The following WDFY2 variants were observed in gnomAD, a reference collection of about 807,000 sequenced individuals.
The protein encoded by WDFY2 is WD repeat and FYVE domain containing 2.
In WDFY2, 36 loss-of-function variants were observed where a neutral mutation model predicts 56.4. The ratio of observed to expected loss-of-function variants is 0.64; its 90% CI spans 0.49 to 0.84. The LOEUF is 0.84. WDFY2 is among the 40% of genes least tolerant of loss of function. The pLI, the probability that WDFY2 is intolerant of heterozygous loss-of-function variation, is 0.00. For synonymous variants in WDFY2, 176 were observed against 183.7 expected (o/e 0.96, Z 0.34); for missense variants, 444 against 512.2 (o/e 0.87, Z 1.29).
At chr13:51,671,337 G>A (rs924588798) in intron 2 of WDFY2, among the ~76,000 whole-genome samples, 10 of 152,128 alleles carry the variant, frequency 6.6e-5, no homozygotes, top group East Asian at 3.8e-4. Flanking sequence ...CACCAGCAGC[G>A]CAGAGGTGTT....
intron 4 of WDFY2, among the ~76,000 whole-genome samples, chr13:51,708,562 A>G (rs981789030): frequency 4.8e-5 from 7 of 145,654 alleles, no homozygotes; most frequent in African/African-American, 1.5e-4. Flanking sequence ...GTAGAATCAT[A>G]TAGTAATTCC....
intron 7 of WDFY2, among the ~76,000 whole-genome samples, chr13:51,750,167 G>GT (rs1274577272): frequency 6.6e-6 from 1 of 152,114 alleles, no homozygotes; most frequent in Non-Finnish European, 1.5e-5. Flanking sequence ...GAATTTTTAT[G>GT]TTTAAGTCTA....
chr13:51,632,093 T>C (rs1954963545), intron 1 of WDFY2, among the ~76,000 whole-genome samples: 1 of 152,224 alleles, frequency 6.6e-6, no homozygotes, highest in Non-Finnish European at 1.5e-5. Flanking sequence ...CATAGACTTA[T>C]CTTTTCAGAG....
At chr13:51,589,079 G>A (rs1437943366) in intron 1 of WDFY2, 1 of 152,134 alleles carries the variant, frequency 6.6e-6, no homozygotes, top group East Asian at 1.9e-4. Flanking sequence ...GTTAAGAGAG[G>A]GGTGAGATTT....
At chr13:51,692,589 G>C (rs989294165) in intron 3 of WDFY2, among the ~76,000 whole-genome samples, 1 of 152,094 alleles carries the variant, frequency 6.6e-6, no homozygotes, top group Non-Finnish European at 1.5e-5. Context: ...TGCTGGATTC[G>C]GTTTGCCAGT....
chr13:51,757,489 A>G (rs948567150), intron 10 of WDFY2, among the ~76,000 whole-genome samples: 7 of 151,986 alleles, frequency 4.6e-5, no homozygotes, highest in African/African-American at 1.4e-4. Flanking sequence ...AGCCCACTGC[A>G]GTGGAGTGGG....
intron 1 of WDFY2, among the ~76,000 whole-genome samples, chr13:51,641,960 A>G (rs1387035689): frequency 6.6e-6 from 1 of 151,520 alleles, no homozygotes; most frequent in African/African-American, 2.4e-5. Flanking sequence ...TTTTGATCTG[A>G]TCTTGAGCTA....
chr13:51,663,942 C>T (rs1259446035), intron 2 of WDFY2, among the ~76,000 whole-genome samples: 1 of 152,048 alleles, frequency 6.6e-6, no homozygotes, highest in Non-Finnish European at 1.5e-5. Flanking sequence ...ATTAAAATGA[C>T]TTATTTGTTA....
At chr13:51,739,429 G>A (rs1952914914) in intron 7 of WDFY2, among the ~76,000 whole-genome samples, 1 of 151,804 alleles carries the variant, frequency 6.6e-6, no homozygotes, top group African/African-American at 2.4e-5. Context: ...ATAAATAAAA[G>A]GTAAAAATTA....
intron 3 of WDFY2, among the ~76,000 whole-genome samples, chr13:51,679,645 G>A (rs1472610729): frequency 6.6e-6 from 1 of 152,148 alleles, no homozygotes; most frequent in Non-Finnish European, 1.5e-5. Context: ...GTTAGTTCAT[G>A]TGGGTTATGT....
intron 7 of WDFY2, among the ~76,000 whole-genome samples, chr13:51,744,485 T>A (rs557317729): frequency 4.0e-4 from 61 of 152,248 alleles, no homozygotes; most frequent in Admixed American, 6.5e-5. Context: ...ACACTTGGTT[T>A]AATGAGCTGC....
chr13:51,598,223 A>G (rs1367192315), intron 1 of WDFY2, among the ~76,000 whole-genome samples: 1 of 151,918 alleles, frequency 6.6e-6, no homozygotes, highest in Non-Finnish European at 1.5e-5. Context: ...AGCTGGGTGT[A>G]GTGGCGGGCA....
intron 1 of WDFY2, among the ~76,000 whole-genome samples, chr13:51,624,304 T>C (rs923119488): frequency 7.9e-5 from 12 of 152,350 alleles, no homozygotes; most frequent in Non-Finnish European, 1.6e-4. Context: ...CCCCAAGAAC[T>C]GTGGTGCTAG....
chr13:51,727,726 AG>A lies in WDFY2; in HGVS notation c.535del (p.Val179Ter), dbSNP rs1269006608. The A allele has an allele frequency of 6.2e-7, 1 of 1,614,096 alleles. No individual in the cohort carries two copies. The highest frequency in any genetic ancestry group is 8.5e-7 in the Non-Finnish European group (1 of 1,180,050). The part of the protein sequence containing the change: ...HVFIGDHSGQ[V>X]TILKLEQENC... ...TGTTTATCGGTGACCACTCAGGCCA[AG>A]TAACAATCCTCAAACTGGAGCAAGA... On this transcript the variant is annotated frameshift_variant, in exon 6 of 12. Transcript: ENST00000298125. LOFTEE classifies it high-confidence loss of function.
At chr13:51,646,368 C>T (rs968748283) in intron 1 of WDFY2, among the ~76,000 whole-genome samples, 1 of 152,232 alleles carries the variant, frequency 6.6e-6, no homozygotes, top group African/African-American at 2.4e-5. Flanking sequence ...GCATTTCAGA[C>T]ACCATTATTT....
At chr13:51,608,713 T>C (rs1426707848) in intron 1 of WDFY2, among the ~76,000 whole-genome samples, 2 of 152,196 alleles carry the variant, frequency 1.3e-5, no homozygotes, top group Admixed American at 6.5e-5. Context: ...AATCACATTT[T>C]ATTTTCTCAT....
chr13:51,662,515 T>C (rs1288683037), intron 2 of WDFY2, among the ~76,000 whole-genome samples: 13 of 152,160 alleles, frequency 8.5e-5, no homozygotes, highest in African/African-American at 2.7e-4. Context: ...AGGGACCTCA[T>C]GAAGGCACAG....
intron 4 of WDFY2, among the ~76,000 whole-genome samples, chr13:51,711,473 A>C (rs907716935): frequency 6.6e-6 from 1 of 152,248 alleles, no homozygotes; most frequent in African/African-American, 2.4e-5. Context: ...TCTGCACAGC[A>C]AAAGAAACTA....
intron 3 of WDFY2, among the ~76,000 whole-genome samples, chr13:51,691,360 A>G (rs978308655): frequency 2.0e-5 from 3 of 150,946 alleles, no homozygotes; most frequent in Admixed American, 2.0e-4. Flanking sequence ...ATCCATCTTG[A>G]ATTAATTTTT....
Sources: gnomAD v4.1 joint callset for allele counts (sites outside exome capture counted in the v4.1 genomes callset) on GRCh38, gnomAD v4.1.1 for gene constraint, MANE v1.5 for transcripts, NCBI Gene and HGNC (gene_info 2026-07-23, HGNC 2026-07-21) for gene names.